SGPL1: variants seen among roughly 807,000 people sequenced by gnomAD.
The protein encoded by SGPL1 is SP-lyase 1.
SGPL1 carries 37 observed loss-of-function variants against 68.9 expected under a neutral mutation model. That is an observed-to-expected ratio of 0.54 (90% CI 0.41 to 0.71). The LOEUF (loss-of-function observed/expected upper bound fraction) is 0.71, where lower values mean the gene tolerates loss of function less well. Among genes scored for constraint, SGPL1 ranks in the 30% least tolerant of loss-of-function variants. The probability of loss-of-function intolerance (pLI) is 0.00; values close to 1 mark genes in which losing one functional copy is unlikely to be tolerated. For synonymous variants in SGPL1, 236 were observed against 248.5 expected (o/e 0.95, Z 0.47); for missense variants, 551 against 704.6 (o/e 0.78, Z 2.47).
chr10:70,854,697 T>C lies in SGPL1; in HGVS notation c.262-11T>C, dbSNP rs981431674. Reference sequence around the variant, plus strand: ...TGCATCTGGATAACTTTGTCTTTCTTACCTTTGGAGATTCAAGACAAGTTG... The same window carrying C: ...TGCATCTGGATAACTTTGTCTTTCTCACCTTTGGAGATTCAAGACAAGTTG... On this transcript the variant is annotated splice_polypyrimidine_tract_variant and intron_variant, in intron 4 of 14. Transcript: ENST00000373202. 3 of 1,601,980 alleles carry C rather than the reference T, an allele frequency of 1.9e-6. No homozygotes were observed. Among genetic ancestry groups the C allele is most frequent in the Non-Finnish European group, 1.7e-6 (2 of 1,175,228 alleles).
At chr10:70,862,586 T>C (rs529512750) in intron 7 of SGPL1, among the ~76,000 whole-genome samples, 17 of 152,178 alleles carry the variant, frequency 1.1e-4, no homozygotes, top group Non-Finnish European at 2.1e-4. Context: ...GGGTCCACGC[T>C]GCTTTTATGA....
rs755148051 is a variant in SGPL1 at position 70,873,314 on chromosome 10, A to G, written c.1060-37A>G. ...GGGACAAGGTCTGCCAGACAGAACT[A>G]TACTCTCACTTTTCTTGTCTGCTAC... On this transcript the variant is annotated intron_variant, in intron 11 of 14. Coordinates refer to ENST00000373202, the MANE Select transcript of SGPL1 (RefSeq NM_003901.4). The G allele has an allele frequency of 1.4e-5, 21 of 1,475,772 alleles. No homozygotes were observed. In the East Asian group the frequency reaches 1.8e-4, roughly 13 times the overall value. The allele number at this position is 1,475,772 out of a possible 1,614,324, so 91.4% of individuals were successfully genotyped here.
chr10:70,816,571 G>A (rs1845235159), intron 1 of SGPL1, among the ~76,000 whole-genome samples: 1 of 152,192 alleles, frequency 6.6e-6, no homozygotes, highest in Non-Finnish European at 1.5e-5. Context: ...CACCTGGGTG[G>A]AATGCTTTGT....
chr10:70,863,444 C>T (rs1305850577), intron 7 of SGPL1, among the ~76,000 whole-genome samples: 1 of 152,006 alleles, frequency 6.6e-6, no homozygotes, highest in African/African-American at 2.4e-5. Context: ...ATTCTGCTGG[C>T]TTCAGTCATG....
intron 7 of SGPL1, among the ~76,000 whole-genome samples, chr10:70,864,601 A>G (rs1044042589): frequency 1.3e-5 from 2 of 151,858 alleles, no homozygotes; most frequent in African/African-American, 4.8e-5. Context: ...TTCTTATGAT[A>G]TTTTCCTATA....
Position 70,880,592 on chromosome 10 carries a change from A to G in SGPL1, c.*3257A>G, listed in dbSNP as rs1453819624. The G allele has an allele frequency of 6.6e-6, 1 of 152,208 alleles. No homozygotes were observed. Among genetic ancestry groups the G allele is most frequent in the Non-Finnish European group, 1.5e-5 (1 of 68,036 alleles). 9.4% of individuals were successfully genotyped at this position (152,208 alleles called of 1,614,324 possible). A position where few individuals can be genotyped will look rare whatever the true frequency, so the allele number is the denominator to read the frequency against. On this transcript the variant is annotated 3_prime_UTR_variant, in exon 15 of 15. Coordinates refer to ENST00000373202, the MANE Select transcript of SGPL1 (RefSeq NM_003901.4). ...TAACAGAGCTCCTCAGATAATCTTC[A>G]CACACATGTAACTGCTGGAGATCTT...
chr10:70,870,763 G>A (rs1846278871), intron 9 of SGPL1, among the ~76,000 whole-genome samples: 1 of 152,118 alleles, frequency 6.6e-6, no homozygotes, highest in African/African-American at 2.4e-5. Flanking sequence ...GTGGGGCTGG[G>A]GCTCACATTT....
At chr10:70,859,714 T>C in intron 7 of SGPL1, 1 of 160,348 alleles carries the variant, frequency 6.2e-6, no homozygotes, top group Non-Finnish European at 1.3e-5. Flanking sequence ...TAAATGTTAC[T>C]TGTAATTTTG....
chr10:70,846,097 T>C (rs1042492671), intron 3 of SGPL1, among the ~76,000 whole-genome samples: 1 of 152,204 alleles, frequency 6.6e-6, no homozygotes, highest in African/African-American at 2.4e-5. Context: ...AAAGTGGAAA[T>C]GAGACCTGAC....
intron 14 of SGPL1, 121 bp from the exon 15 acceptor site, chr10:70,877,074 A>G (rs1042418167): frequency 1.1e-6 from 1 of 886,622 alleles, no homozygotes; most frequent in Admixed American, 2.3e-5. Flanking sequence ...CTTAGGTGGA[A>G]ATGGGGTAGG....
At chr10:70,868,562 C>A in intron 8 of SGPL1, 129 bp downstream of exon 8, 1 of 721,182 alleles carries the variant, frequency 1.4e-6, no homozygotes. Flanking sequence ...CCCTTTCCCC[C>A]TGTCCTAGCC....
In SGPL1 at chr10:70,871,914, A is replaced by C; in HGVS notation, c.987A>C (p.Ala329=). Residue 329 remains alanine (A), a synonymous_variant, in exon 11 of 15, where the codon GCA becomes GCC. Transcript: ENST00000373202. ...GGFLIVFMEK[A]GYPLEHPFDF... is the part of the protein sequence containing the mutation. The stretch of plus-strand genomic sequence containing the variant: ...TCCTCATCGTCTTTATGGAGAAAGC[A>C]GGATACCCACTGGAGCACCCATTTG... 6.2e-7 allele frequency: 1 copy of C among 1,614,168 alleles called. No homozygotes were observed. Among genetic ancestry groups the C allele is most frequent in the Non-Finnish European group, 8.5e-7 (1 of 1,180,004 alleles).
chr10:70,822,856 A>G lies in SGPL1; in HGVS notation c.27+5976A>G, dbSNP rs1372338066. Among the ~76,000 whole-genome samples the G allele has an allele frequency of 2.7e-4, 41 of 149,296 alleles. No homozygotes were observed. In the South Asian group the frequency reaches 4.9e-3, roughly 18 times the overall value. ...AGCTTTTATTGCCTCTATTGGTAAT[A>G]TGACAGGGACTGTAAGAAACACAAT... On this transcript the variant is annotated intron_variant, in intron 2 of 14. Transcript: ENST00000373202.
chr10:70,824,964 T>C (rs546599988), intron 2 of SGPL1, among the ~76,000 whole-genome samples: 1 of 78,798 alleles, frequency 1.3e-5, no homozygotes, highest in African/African-American at 4.8e-5. Context: ...ACGTTGTTTT[T>C]TCTCTTTTTT....
chr10:70,880,614 T>A lies in SGPL1; in HGVS notation c.*3279T>A, dbSNP rs1589482169. The A allele has an allele frequency of 6.6e-6, 1 of 152,326 alleles. No homozygotes were observed. Among genetic ancestry groups the A allele is most frequent in the Admixed American group, 6.5e-5 (1 of 15,302 alleles). 9.4% of individuals were successfully genotyped at this position (152,326 alleles called of 1,614,324 possible). A position where few individuals can be genotyped will look rare whatever the true frequency, so the allele number is the denominator to read the frequency against. ...TTCACACACATGTAACTGCTGGAGA[T>A]CTTATTCTATTATGAATAAGAAACG... On this transcript the variant is annotated 3_prime_UTR_variant, in exon 15 of 15. Transcript: ENST00000373202.
At chr10:70,837,164 G>A (rs113127305) in intron 2 of SGPL1, among the ~76,000 whole-genome samples, 8,514 of 150,778 alleles carry the variant, frequency 0.056, 285 homozygotes, top group Non-Finnish European at 0.064. Context: ...TGCAACCCCC[G>A]CCTCCCAGGT....
chr10:70,847,729 T>C (rs150646890), intron 3 of SGPL1, among the ~76,000 whole-genome samples: 1 of 152,212 alleles, frequency 6.6e-6, no homozygotes, highest in African/African-American at 2.4e-5. Context: ...TAGACACAGA[T>C]AAGAATGTCT....
intron 7 of SGPL1, among the ~76,000 whole-genome samples, chr10:70,863,158 T>C (rs1312340877): frequency 6.6e-6 from 1 of 152,008 alleles, no homozygotes; most frequent in African/African-American, 2.4e-5. Flanking sequence ...CGCTAATTTT[T>C]GTATTTTTAG....
intron 2 of SGPL1, among the ~76,000 whole-genome samples, chr10:70,831,517 C>G (rs532436157): frequency 2.0e-5 from 3 of 152,294 alleles, no homozygotes; most frequent in South Asian, 4.1e-4. Context: ...GCTCACAGAA[C>G]TCAGGGAAAC....
Sources: allele counts gnomAD v4.1 joint callset (sites outside exome capture counted in the v4.1 genomes callset), GRCh38; gene constraint gnomAD v4.1.1; transcripts MANE v1.5; gene names NCBI Gene and HGNC (gene_info 2026-07-23, HGNC 2026-07-21).